OMA1: variants seen among roughly 807,000 people sequenced by gnomAD.
OMA1 encodes the protein metalloendopeptidase OMA1, mitochondrial.
In OMA1, 38 loss-of-function variants were observed where a neutral mutation model predicts 30.9. That is an observed-to-expected ratio of 1.23 (90% CI 0.95 to 1.61). The LOEUF is 1.61. Among genes scored for constraint, OMA1 ranks in the 40% most tolerant of loss-of-function variants. The pLI is 0.00. For synonymous variants in OMA1, 173 were observed against 121.9 expected, an observed-to-expected ratio of 1.42 and a Z score of -2.76; for missense variants, 461 against 349.2, an observed-to-expected ratio of 1.32 and a Z score of -2.55.
intron 8 of OMA1, among the ~76,000 whole-genome samples, chr1:58,496,702 C>T (rs1296733441): frequency 1.3e-5 from 2 of 152,130 alleles, no homozygotes; most frequent in Non-Finnish European, 2.9e-5. Flanking sequence ...AACTCTTGTA[C>T]ACTTACCGTT....
intron 1 of OMA1, 106 bp downstream of exon 1, chr1:58,546,597 C>G (rs1470297273): frequency 6.6e-6 from 1 of 152,472 alleles, no homozygotes. Context: ...GGCGCCCCCG[C>G]AGGCGCTCTG....
At chr1:58,500,363 C>G (rs574275492) in intron 8 of OMA1, among the ~76,000 whole-genome samples, 1 of 152,250 alleles carries the variant, frequency 6.6e-6, no homozygotes, top group South Asian at 2.1e-4. Context: ...CACTGGCCAA[C>G]AACGACATTT....
At chr1:58,534,497 CAA>C (rs1237838722) in intron 3 of OMA1, among the ~76,000 whole-genome samples, 166 bp from the exon 4 acceptor site, 1 of 152,178 alleles carries the variant, frequency 6.6e-6, no homozygotes, top group Non-Finnish European at 1.5e-5. Flanking sequence ...ATTATTCATG[CAA>C]AGACAATGTG....
At chr1:58,524,704 G>A (rs911696129) in intron 7 of OMA1, among the ~76,000 whole-genome samples, 1 of 152,128 alleles carries the variant, frequency 6.6e-6, no homozygotes, top group Admixed American at 6.5e-5. Context: ...TATATATCAA[G>A]CAACTCAACT....
chr1:58,486,702 T>C (rs1475110249), intron 8 of OMA1, among the ~76,000 whole-genome samples: 1 of 152,084 alleles, frequency 6.6e-6, no homozygotes, highest in Non-Finnish European at 1.5e-5. Context: ...GGACGGACAA[T>C]GAGTACATGG....
chr1:58,491,773 T>G (rs940211852), intron 8 of OMA1, among the ~76,000 whole-genome samples: 3 of 152,142 alleles, frequency 2.0e-5, no homozygotes, highest in Non-Finnish European at 2.9e-5. Context: ...AGCAAGTCCT[T>G]AGAGACCTAC....
intron 7 of OMA1, among the ~76,000 whole-genome samples, chr1:58,525,418 T>C (rs1244739331): frequency 1.3e-5 from 2 of 152,150 alleles, no homozygotes. Context: ...ACAAGGTCAA[T>C]TATAAAATCA....
intron 8 of OMA1, among the ~76,000 whole-genome samples, chr1:58,488,313 CTTTGT>C (rs995946825): frequency 1.6e-4 from 25 of 152,042 alleles, no homozygotes. Flanking sequence ...GGAACCATAA[CTTTGT>C]TTTATTTATT....
chr1:58,487,754 C>T (rs984691908), intron 8 of OMA1, among the ~76,000 whole-genome samples: 5 of 152,112 alleles, frequency 3.3e-5, no homozygotes, highest in African/African-American at 1.2e-4. Flanking sequence ...ATAATTTCTA[C>T]TCCTAGCTGC....
intron 8 of OMA1, among the ~76,000 whole-genome samples, chr1:58,485,228 TAAAAA>T (rs71043289): frequency 2.4e-5 from 1 of 42,034 alleles, no homozygotes; most frequent in Non-Finnish European, 4.1e-5. Context: ...AGTCTACTAC[TAAAAA>T]AAAAAAAAAA....
At chr1:58,514,135 C>T (rs746981197) in intron 7 of OMA1, among the ~76,000 whole-genome samples, 100 of 152,212 alleles carry the variant, frequency 6.6e-4, no homozygotes, top group Middle Eastern at 6.8e-3. Flanking sequence ...TTGCAAAATG[C>T]TATGTTTGGT....
At chr1:58,504,019 C>T (rs1645948401) in intron 8 of OMA1, among the ~76,000 whole-genome samples, 2 of 152,218 alleles carry the variant, frequency 1.3e-5, no homozygotes, top group Non-Finnish European at 2.9e-5. Context: ...AAGCCACCAT[C>T]ATCTCCTACC....
At position 58,527,338 on chromosome 1, in the gene OMA1, A is replaced by G; in HGVS notation, c.1141-3T>C. On this transcript the variant is annotated splice_polypyrimidine_tract_variant and splice_region_variant and intron_variant, in intron 6 of 8. Coordinates refer to ENST00000371226, the MANE Select transcript of OMA1 (RefSeq NM_145243.5). ...CTGTATGGTCTATTAAACATATACT[A>G]AGAAGAAATGACAGAAAAGCTCCAT... 1.1e-6 allele frequency: 1 copy of G among 871,544 alleles called. No homozygotes were observed. The highest frequency in any genetic ancestry group is 2.0e-6 in the Non-Finnish European group (1 of 500,942). The allele number at this position is 871,544 out of a possible 1,614,324, so 54.0% of individuals were successfully genotyped here.
chr1:58,538,951 G>A lies in OMA1; in HGVS notation c.344C>T (p.Ala115Val), dbSNP rs1284227438. ...SRQLLIKEVTAVPSLSVLHPL... is the reference protein window; with the variant it reads ...SRQLLIKEVTVVPSLSVLHPL... ...ATGCAATACTGACAGACTAGGGACT[G>A]CTGTAACTTCTTTTATTAGCAGCTG... The change falls in exon 2 of 9, where the codon GCA becomes GTA. Residue 115 changes from alanine to valine, a missense_variant. Transcript: ENST00000371226. The A allele has an allele frequency of 9.2e-6, 8 of 872,734 alleles. No individual in the cohort carries two copies. Among genetic ancestry groups the A allele is most frequent in the Non-Finnish European group, 1.6e-5 (8 of 501,628 alleles). The allele number at this position is 872,734 out of a possible 1,614,324, so 54.1% of individuals were successfully genotyped here. A position where few individuals can be genotyped will look rare whatever the true frequency, so the allele number is the denominator to read the frequency against.
chr1:58,488,608 T>C lies in OMA1; in HGVS notation c.1366-7434A>G, dbSNP rs1645617822. Among the ~76,000 whole-genome samples the C allele has an allele frequency of 2.0e-5, 3 of 152,062 alleles. No homozygotes were observed. In the South Asian group the frequency reaches 6.2e-4, roughly 31 times the overall value. On this transcript the variant is annotated intron_variant, in intron 8 of 8. Transcript: ENST00000371226. The stretch of plus-strand genomic sequence containing the variant: ...CTGGGATTACAGGCATGAGCCACCA[T>C]GTCTCGCTAATTTTTGTATTTTTAG...
Position 58,533,953 on chromosome 1 carries a change from A to G in OMA1, c.1011T>C (p.Ala337=), listed in dbSNP as rs750537416. 1.4e-5 allele frequency: 12 copies of G among 872,032 alleles called. No homozygotes were observed. In the Admixed American group the frequency reaches 2.0e-4, roughly 15 times the overall value. The allele number at this position is 872,032 out of a possible 1,614,324, so 54.0% of individuals were successfully genotyped here. ...CTGAACATTCATTTTAGGTACTTAC[A>G]GCATGCCCAAGTACTGCATGTGCTA... ...HEIAHAVLGH[A]AEKAGMVHLL... is the part of the protein sequence containing the mutation. Residue 337 remains alanine, a splice_region_variant and synonymous_variant, in exon 5 of 9, where the codon GCT becomes GCC. Coordinates refer to ENST00000371226, the MANE Select transcript of OMA1 (RefSeq NM_145243.5).
intron 2 of OMA1, 41 bp downstream of exon 2, chr1:58,538,754 A>G: frequency 1.4e-6 from 1 of 715,236 alleles, no homozygotes; most frequent in Non-Finnish European, 2.4e-6. Context: ...ATTAATGCAA[A>G]AAGTTAATAT....
Position 58,534,241 on chromosome 1 carries a change from T to A in OMA1, c.820A>T (p.Asn274Tyr), listed in dbSNP as rs536806050. Residue 274 changes from asparagine to tyrosine, a missense_variant, in exon 4 of 9, where the codon AAT (asparagine) becomes TAT (tyrosine). Asn to Tyr is a moderately radical substitution (Grantham distance 143). Coordinates refer to ENST00000371226, the MANE Select transcript of OMA1 (RefSeq NM_145243.5). ...TGAGAGATCCCTGGAACATCTTTAT[T>A]GCATTCAATTAGATGACAAAGCACT... Reference protein sequence around the residue: ...KEVLCHLIECNKDVPGISQIN... With the variant: ...KEVLCHLIECYKDVPGISQIN... The A allele has an allele frequency of 4.6e-6, 4 of 872,018 alleles. No homozygotes were observed. The highest frequency in any genetic ancestry group is 8.0e-6 in the Non-Finnish European group (4 of 501,514). The allele number at this position is 872,018 out of a possible 1,614,324, so 54.0% of individuals were successfully genotyped here.
At chr1:58,495,996 T>C (rs184009093) in intron 8 of OMA1, among the ~76,000 whole-genome samples, 1 of 152,286 alleles carries the variant, frequency 6.6e-6, no homozygotes, top group East Asian at 1.9e-4. Context: ...TTCCCATGGA[T>C]GATACTCTGG....
Sources: allele counts gnomAD v4.1 joint callset (sites outside exome capture counted in the v4.1 genomes callset), GRCh38; gene constraint gnomAD v4.1.1; transcripts MANE v1.5; gene names NCBI Gene and HGNC (gene_info 2026-07-23, HGNC 2026-07-21).